MTHFSD: variants seen among roughly 807,000 people sequenced by gnomAD.
MTHFSD encodes methenyltetrahydrofolate synthetase domain containing.
MTHFSD carries 37 observed loss-of-function variants against 31.1 expected under a neutral mutation model. That is an observed-to-expected ratio of 1.19 (90% CI 0.91 to 1.56). MTHFSD has a LOEUF of 1.56. Ranked by LOEUF, MTHFSD falls within the 40% of genes most tolerant of loss-of-function variation. The pLI is 0.00. For synonymous variants in MTHFSD, 221 were observed against 206.9 expected (o/e 1.07, Z -0.59); for missense variants, 664 against 510.1 (o/e 1.30, Z -2.91).
intron 7 of MTHFSD, chr16:86,533,539 G>A (rs1256277664): frequency 1.3e-5 from 2 of 152,214 alleles, no homozygotes; most frequent in African/African-American, 4.8e-5. Context: ...GGCAGCACAT[G>A]AGCTAGACAA....
chr16:86,539,703 C>T (rs1003890158), intron 7 of MTHFSD, among the ~76,000 whole-genome samples: 11 of 152,190 alleles, frequency 7.2e-5, no homozygotes, highest in Admixed American at 2.6e-4. Context: ...TGCACTCAAA[C>T]AGAGCGTGTA....
chr16:86,546,164 T>C (rs1288510801), intron 5 of MTHFSD, among the ~76,000 whole-genome samples: 2 of 152,260 alleles, frequency 1.3e-5, no homozygotes, highest in Non-Finnish European at 2.9e-5. Context: ...TTCAAGAGTC[T>C]GCTGCTTCAT....
rs553944022 is a variant in MTHFSD, at chr16:86,546,572, G to T, written c.429C>A (p.Ala143=). ...TGCTAGTCTTACCTTTTTCAGAAAC[G>T]GCGACGGATCCCACCACAACTAAAT... ...LVDLVVVGSV[A]VSEKGWRIGK... The change falls in exon 5 of 8, where the codon GCC becomes GCA. Residue 143 remains alanine, a synonymous_variant. Coordinates refer to ENST00000360900, the MANE Select transcript of MTHFSD (RefSeq NM_001159377.2). The T allele has an allele frequency of 6.2e-7, 1 of 1,613,870 alleles. No homozygotes were observed. Among genetic ancestry groups the T allele is most frequent in the African/African-American group, 1.3e-5 (1 of 75,022 alleles).
At chr16:86,552,329 G>A in intron 2 of MTHFSD, 183 bp from the exon 3 acceptor site, 3 of 1,509,706 alleles carry the variant, frequency 2.0e-6, no homozygotes, top group Non-Finnish European at 2.7e-6. Flanking sequence ...TGAAAGGACA[G>A]CACGCTCTCA....
intron 1 of MTHFSD, chr16:86,554,953 G>A: frequency 7.9e-7 from 1 of 1,269,102 alleles, no homozygotes. Context: ...TCGTCTTCTC[G>A]TTATCTTTAT....
At position 86,532,311 on chromosome 16, in the gene MTHFSD, TC is replaced by T; in HGVS notation, c.851del (p.Gly284AspfsTer36). The part of the protein sequence containing the change: ...SVGRRPPDTP[G>X]PETNSMEAAP... ...CTGCCTCCATGGAATTGGTTTCTGG[TC>T]CGGGTGTGTCCGGGGGCCTCCTGCC... On this transcript the variant is annotated frameshift_variant, in exon 8 of 8. Transcript: ENST00000360900. LOFTEE classifies it low-confidence loss of function (END_TRUNC). The T allele has an allele frequency of 6.3e-7, 1 of 1,587,174 alleles. No individual in the cohort carries two copies.
intron 4 of MTHFSD, 97 bp downstream of exon 4, chr16:86,548,367 G>T: frequency 9.3e-7 from 1 of 1,070,908 alleles, no homozygotes. Context: ...TGTTAAAAAT[G>T]AATTCCAACT....
intron 7 of MTHFSD, 76 bp from the exon 8 acceptor site, chr16:86,532,557 T>C (rs959978410): frequency 3.3e-6 from 4 of 1,196,702 alleles, no homozygotes; most frequent in Non-Finnish European, 4.4e-6. Context: ...TCCACACCTC[T>C]GACTACTGGC....
chr16:86,540,128 C>G (rs1444715585), intron 7 of MTHFSD, among the ~76,000 whole-genome samples: 1 of 152,066 alleles, frequency 6.6e-6, no homozygotes, highest in African/African-American at 2.4e-5. Flanking sequence ...GAGACTAAAA[C>G]AGAAACACTG....
chr16:86,554,541 C>T, intron 2 of MTHFSD, 104 bp downstream of exon 2: 1 of 935,854 alleles, frequency 1.1e-6, no homozygotes, highest in Non-Finnish European at 1.7e-6. Context: ...CACTGCTCGC[C>T]ACATTCTCAT....
Position 86,554,819 on chromosome 16 carries a change from C to T in MTHFSD, c.17-68G>A. 3 of 1,401,030 alleles carry T rather than the reference C, an allele frequency of 2.1e-6. No individual in the cohort carries two copies. In the Admixed American group the frequency reaches 5.3e-5, roughly 25 times the overall value. The allele number at this position is 1,401,030 out of a possible 1,614,324, so 86.8% of individuals were successfully genotyped here. A position where few individuals can be genotyped will look rare whatever the true frequency, so the allele number is the denominator to read the frequency against. On this transcript the variant is annotated intron_variant, in intron 1 of 7. Coordinates refer to ENST00000360900, the MANE Select transcript of MTHFSD (RefSeq NM_001159377.2). ...CAGAGCCCATGCTGAAACCGCTTAA[C>T]AGTAGTTAAGCGACCCCCGCGTGTA...
In MTHFSD at chr16:86,530,691, C is replaced by T. The variant is rs1433037066; in HGVS notation, c.*1320G>A. On this transcript the variant is annotated 3_prime_UTR_variant, in exon 8 of 8. Coordinates refer to ENST00000360900, the MANE Select transcript of MTHFSD (RefSeq NM_001159377.2). ...AAGAGAGAAAAGAAGGTGAGGAGTT[C>T]AGTGTAACCAGGTGACTACTCTGAA... is the stretch of plus-strand genomic sequence containing the variant. 3 of 152,144 alleles carry T rather than the reference C, an allele frequency of 2.0e-5. No homozygotes were observed. Among genetic ancestry groups the T allele is most frequent in the Non-Finnish European group, 2.9e-5 (2 of 68,042 alleles). The allele number at this position is 152,144 out of a possible 1,614,324, so 9.4% of individuals were successfully genotyped here.
intron 4 of MTHFSD, 114 bp from the exon 5 acceptor site, chr16:86,546,763 A>T: frequency 1.2e-6 from 1 of 857,470 alleles, no homozygotes; most frequent in East Asian, 2.6e-5. Flanking sequence ...AAACAGATGC[A>T]GGCACACGCA....
intron 3 of MTHFSD, 26 bp downstream of exon 3, chr16:86,552,007 G>T (rs774442375): frequency 6.2e-7 from 1 of 1,613,482 alleles, no homozygotes; most frequent in Non-Finnish European, 8.5e-7. Flanking sequence ...GCCAGGTCTC[G>T]GCTCGGCTCA....
chr16:86,542,080 C>T lies in MTHFSD; in HGVS notation c.555+21G>A. Reference sequence around the variant, plus strand: ...AGAAGAGAATGGCAGTGGCTCTGCTCAGCCCATTCATAAGGAGCACCTGGC... The same window carrying T: ...AGAAGAGAATGGCAGTGGCTCTGCTTAGCCCATTCATAAGGAGCACCTGGC... On this transcript the variant is annotated intron_variant, in intron 6 of 7. Coordinates refer to ENST00000360900, the MANE Select transcript of MTHFSD (RefSeq NM_001159377.2). The surrounding 1 kb of genome is among the most constrained non-coding windows in gnomAD (Gnocchi z 4.6). The T allele has an allele frequency of 1.2e-6, 2 of 1,601,178 alleles. No homozygotes were observed. The highest frequency in any genetic ancestry group is 1.1e-5 in the South Asian group (1 of 90,658).
In MTHFSD at chr16:86,530,398, G is replaced by C. The variant is rs111992926; in HGVS notation, c.*1613C>G. 1 of 152,212 alleles carries C rather than the reference G, an allele frequency of 6.6e-6. No individual in the cohort carries two copies. The highest frequency in any genetic ancestry group is 2.4e-5 in the African/African-American group (1 of 41,444). The allele number at this position is 152,212 out of a possible 1,614,324, so 9.4% of individuals were successfully genotyped here. ...CCCGCCGTCTGAGGGTGGGGTGGGC[G>C]TCAGGCATGGCTGGACACAGGAGTG... On this transcript the variant is annotated 3_prime_UTR_variant, in exon 8 of 8. Transcript: ENST00000360900.
chr16:86,533,565 C>T (rs1970263658), intron 7 of MTHFSD: 1 of 152,186 alleles, frequency 6.6e-6, no homozygotes, highest in African/African-American at 2.4e-5. Flanking sequence ...AATTGTTCTA[C>T]AAGATGAAAT....
chr16:86,548,759 T>C (rs1972707811), intron 3 of MTHFSD, among the ~76,000 whole-genome samples, 182 bp from the exon 4 acceptor site: 1 of 152,216 alleles, frequency 6.6e-6, no homozygotes, highest in Non-Finnish European at 1.5e-5. Flanking sequence ...GGGTCGATTT[T>C]TCTTAGAATC....
Position 86,541,719 on chromosome 16 carries a change from G to A in MTHFSD, c.659C>T (p.Pro220Leu), listed in dbSNP as rs750281021. The A allele has an allele frequency of 1.2e-6, 2 of 1,613,690 alleles. No homozygotes were observed. The highest frequency in any genetic ancestry group is 2.7e-5 in the African/African-American group (2 of 74,938). Reference sequence around the variant, plus strand: ...CACCTTGAACCAGGTGATTCCCATTGGCTTTGGGCGCTTGCAGCCTGTGGC... The same window carrying A: ...CACCTTGAACCAGGTGATTCCCATTAGCTTTGGGCGCTTGCAGCCTGTGGC... ...VIATGCKRPK[P>L]MGITWFKISL... Residue 220 changes from proline (P) to leucine (L), a missense_variant, in exon 7 of 8, where the codon CCA becomes CTA. Pro to Leu is a moderately conservative substitution (Grantham distance 98, BLOSUM62 -3). Coordinates refer to ENST00000360900, the MANE Select transcript of MTHFSD (RefSeq NM_001159377.2).
Sources: allele counts gnomAD v4.1 joint callset (sites outside exome capture counted in the v4.1 genomes callset), GRCh38; gene constraint gnomAD v4.1.1; non-coding constraint Gnocchi (gnomAD v3.1); transcripts MANE v1.5; gene names NCBI Gene and HGNC (gene_info 2026-07-23, HGNC 2026-07-21).